TLN2: variants seen among roughly 807,000 people sequenced by gnomAD.
TLN2 encodes talin 2, also known as talin-2.
TLN2 carries 118 observed loss-of-function variants against 294.7 expected under a neutral mutation model. That is an observed-to-expected ratio of 0.40 (90% CI 0.34 to 0.47). The LOEUF (loss-of-function observed/expected upper bound fraction) is 0.47, where lower values mean the gene tolerates loss of function less well. Among genes scored for constraint, TLN2 ranks in the 20% least tolerant of loss-of-function variants. The probability of loss-of-function intolerance (pLI) is 0.84; values close to 1 mark genes in which losing one functional copy is unlikely to be tolerated. For missense variants in TLN2, 3,083 were observed against 3,282.2 expected (o/e 0.94, Z 1.48); for synonymous variants, 1,431 against 1,304.5 (o/e 1.10, Z -2.09).
chr15:62,768,937 A>G (rs1323610360), intron 41 of TLN2, among the ~76,000 whole-genome samples: 3 of 152,228 alleles, frequency 2.0e-5, no homozygotes, highest in Non-Finnish European at 4.4e-5. Context: ...GAAGTGGAGC[A>G]ATTGGAACAA....
intron 34 of TLN2, 21 bp downstream of exon 34, chr15:62,750,512 A>C: frequency 6.2e-7 from 1 of 1,601,758 alleles, no homozygotes; most frequent in East Asian, 2.2e-5. Flanking sequence ...CTATGCCGTA[A>C]GTCAGAAGTT....
chr15:62,518,024 T>C (rs1344918243), intron 1 of TLN2, among the ~76,000 whole-genome samples: 3 of 150,050 alleles, frequency 2.0e-5, no homozygotes, highest in South Asian at 2.1e-4. Context: ...TAAATGCTCA[T>C]TAAATATTAG....
At chr15:62,518,409 T>C (rs1364109903) in intron 1 of TLN2, among the ~76,000 whole-genome samples, 2 of 152,150 alleles carry the variant, frequency 1.3e-5, no homozygotes, top group Non-Finnish European at 2.9e-5. Context: ...GCGTAGGTTT[T>C]GAAGACAAAT....
At chr15:62,763,223 C>CTTTTTTTTTTTTTT (rs77149979) in intron 39 of TLN2, 1 of 126,590 alleles carries the variant, frequency 7.9e-6, no homozygotes, top group Non-Finnish European at 1.7e-5. Context: ...TTTTTTTTTT[C>CTTTTTTTTTTTTTT]TTTTTTTTTT....
intron 20 of TLN2, among the ~76,000 whole-genome samples, chr15:62,707,690 A>G (rs929035312): frequency 2.0e-5 from 3 of 152,208 alleles, no homozygotes; most frequent in African/African-American, 7.2e-5. Flanking sequence ...TGTGTCATAC[A>G]TCACCTCATT....
chr15:62,677,217 T>C (rs2056312565), intron 11 of TLN2, among the ~76,000 whole-genome samples: 1 of 152,228 alleles, frequency 6.6e-6, no homozygotes, highest in African/African-American at 2.4e-5. Flanking sequence ...TCCAATGCCT[T>C]GCAGGGACAA....
intron 1 of TLN2, among the ~76,000 whole-genome samples, chr15:62,545,514 T>TTGTGTGTG (rs56777565): frequency 0.013 from 1,943 of 146,002 alleles, 22 homozygotes; most frequent in African/African-American, 0.031. Context: ...TTCTTTCTCT[T>TTGTGTGTG]TGTGTGTGTG....
intron 46 of TLN2, among the ~76,000 whole-genome samples, chr15:62,794,317 TG>T (rs1417688547): frequency 2.6e-5 from 4 of 152,222 alleles, no homozygotes; most frequent in African/African-American, 9.6e-5. Flanking sequence ...CTATGCCTTG[TG>T]TCTCGTTATA....
At chr15:62,582,936 T>G (rs1210252093) in intron 1 of TLN2, among the ~76,000 whole-genome samples, 1 of 152,114 alleles carries the variant, frequency 6.6e-6, no homozygotes, top group East Asian at 1.9e-4. Context: ...GGGGAAGGGT[T>G]TAGTTAATTT....
intron 2 of TLN2, among the ~76,000 whole-genome samples, chr15:62,608,431 C>T (rs1567184496): frequency 6.6e-6 from 1 of 151,988 alleles, no homozygotes; most frequent in Non-Finnish European, 1.5e-5. Context: ...CACTGAAGAG[C>T]GTAAGAAGAG....
At chr15:62,680,092 T>C (rs2056679858) in intron 11 of TLN2, among the ~76,000 whole-genome samples, 1 of 152,204 alleles carries the variant, frequency 6.6e-6, no homozygotes, top group African/African-American at 2.4e-5. Flanking sequence ...AAGTAAGCCC[T>C]AACATCAGAT....
intron 2 of TLN2, among the ~76,000 whole-genome samples, chr15:62,611,193 G>C (rs1208118540): frequency 6.6e-6 from 1 of 152,108 alleles, no homozygotes; most frequent in Admixed American, 6.5e-5. Flanking sequence ...CCTCATAATT[G>C]AAAATAATGC....
chr15:62,802,986 A>G (rs1369085565), intron 50 of TLN2, among the ~76,000 whole-genome samples: 1 of 152,146 alleles, frequency 6.6e-6, no homozygotes, highest in African/African-American at 2.4e-5. Flanking sequence ...CTTGTCAGAT[A>G]TGTAGTTTGC....
intron 55 of TLN2, chr15:62,834,987 G>A (rs2069331356): frequency 2.0e-5 from 3 of 152,146 alleles, no homozygotes; most frequent in Non-Finnish European, 4.4e-5. Flanking sequence ...TTATAGGCAG[G>A]ACCTTGGAGT....
chr15:62,666,538 A>G (rs1377220647), intron 9 of TLN2, among the ~76,000 whole-genome samples: 2 of 152,216 alleles, frequency 1.3e-5, no homozygotes, highest in South Asian at 2.1e-4. Flanking sequence ...GTTCTTTATA[A>G]TTGAATTATA....
intron 1 of TLN2, among the ~76,000 whole-genome samples, chr15:62,420,951 C>G (rs2034355401): frequency 1.3e-5 from 2 of 152,276 alleles, no homozygotes; most frequent in South Asian, 4.2e-4. Context: ...AGAGAAAGGT[C>G]TTCAGGACTA....
At chr15:62,833,244 T>TG (rs1241760375) in intron 54 of TLN2, 1 of 428,244 alleles carries the variant, frequency 2.3e-6, no homozygotes, top group Admixed American at 3.9e-5. Context: ...CATTGTCTCT[T>TG]AATGCCTGAA....
intron 3 of TLN2, chr15:62,640,506 C>T (rs1413548979): frequency 8.0e-6 from 3 of 374,644 alleles, no homozygotes; most frequent in East Asian, 7.2e-5. Flanking sequence ...GCAGAGCCCC[C>T]ATTGTGCCCC....
intron 1 of TLN2, among the ~76,000 whole-genome samples, chr15:62,566,054 T>C (rs1056670351): frequency 1.3e-5 from 2 of 152,098 alleles, no homozygotes; most frequent in African/African-American, 4.8e-5. Context: ...CATAAATGTT[T>C]GTTGTTTATC....
Sources: allele counts gnomAD v4.1 joint callset (sites outside exome capture counted in the v4.1 genomes callset), GRCh38; gene constraint gnomAD v4.1.1; transcripts MANE v1.5; gene names NCBI Gene and HGNC (gene_info 2026-07-23, HGNC 2026-07-21).